Variants in KCNQ3 observed in about 807,000 individuals in gnomAD.
KCNQ3 encodes the protein potassium voltage-gated channel subfamily Q member 3.
In KCNQ3, 30 loss-of-function variants were observed where a neutral mutation model predicts 92.5. That is an observed-to-expected ratio of 0.32 (90% confidence interval 0.24 to 0.44). KCNQ3 has a LOEUF of 0.44. Ranked by LOEUF, KCNQ3 falls within the 20% of genes least tolerant of loss-of-function variation. The probability of loss-of-function intolerance (pLI) is 1.00; values close to 1 mark genes in which losing one functional copy is unlikely to be tolerated. For missense variants in KCNQ3, 913 were observed against 1,140.3 expected (o/e 0.80, Z 2.87); for synonymous variants, 450 against 468.8 (o/e 0.96, Z 0.52).
chr8:132,228,672 T>C (rs1266637216), intron 1 of KCNQ3, among the ~76,000 whole-genome samples: 1 of 151,968 alleles, frequency 6.6e-6, no homozygotes, highest in African/African-American at 2.4e-5. Flanking sequence ...CAGTATGTTT[T>C]TGGGGGAGGG....
chr8:132,201,405 G>A (rs1045153600), intron 1 of KCNQ3, among the ~76,000 whole-genome samples: 1 of 152,108 alleles, frequency 6.6e-6, no homozygotes, highest in Non-Finnish European at 1.5e-5. Flanking sequence ...TCAGACATGG[G>A]TGAGTGAGAC....
chr8:132,354,422 TTGG>T (rs932173808), intron 1 of KCNQ3, among the ~76,000 whole-genome samples: 1 of 152,142 alleles, frequency 6.6e-6, no homozygotes, highest in African/African-American at 2.4e-5. Context: ...AGAAATTGGC[TTGG>T]TAAGAAAGGA....
chr8:132,279,217 A>T (rs534449339), intron 1 of KCNQ3, among the ~76,000 whole-genome samples: 4 of 149,836 alleles, frequency 2.7e-5, no homozygotes, highest in African/African-American at 9.7e-5. Flanking sequence ...GATTCCATCT[A>T]AAAAAAAATG....
intron 1 of KCNQ3, among the ~76,000 whole-genome samples, chr8:132,386,167 C>A (rs964864483): frequency 3.3e-5 from 5 of 152,050 alleles, no homozygotes; most frequent in Non-Finnish European, 7.4e-5. Context: ...CATTTCACAT[C>A]AGAATTTAAG....
At chr8:132,415,969 GC>G (rs1279189756) in intron 1 of KCNQ3, among the ~76,000 whole-genome samples, 2 of 152,142 alleles carry the variant, frequency 1.3e-5, no homozygotes, top group Non-Finnish European at 2.9e-5. Context: ...TCCCAGCTAT[GC>G]CTTCATTTCT....
intron 1 of KCNQ3, among the ~76,000 whole-genome samples, chr8:132,453,171 TG>T (rs1821860768): frequency 6.6e-6 from 1 of 152,088 alleles, no homozygotes; most frequent in African/African-American, 2.4e-5. Flanking sequence ...AGCAGAATGC[TG>T]GGGAATGGCT....
chr8:132,454,121 C>A (rs982647802), intron 1 of KCNQ3, among the ~76,000 whole-genome samples: 5 of 152,216 alleles, frequency 3.3e-5, no homozygotes, highest in Non-Finnish European at 7.3e-5. Flanking sequence ...ATGCTCATGG[C>A]AGACCCTGCC....
chr8:132,435,875 C>T (rs1587017260), intron 1 of KCNQ3, among the ~76,000 whole-genome samples: 1 of 152,260 alleles, frequency 6.6e-6, no homozygotes, highest in East Asian at 1.9e-4. Flanking sequence ...TTATTCACCC[C>T]CTAGTCTTGT....
intron 1 of KCNQ3, among the ~76,000 whole-genome samples, chr8:132,377,610 C>A (rs1473291359): frequency 1.3e-5 from 2 of 152,170 alleles, no homozygotes; most frequent in Non-Finnish European, 2.9e-5. Context: ...CTGGCTGAGA[C>A]TATAAAACCT....
intron 9 of KCNQ3, among the ~76,000 whole-genome samples, chr8:132,149,766 T>C (rs1825577374): frequency 6.6e-6 from 1 of 152,020 alleles, no homozygotes; most frequent in East Asian, 1.9e-4. Flanking sequence ...AGTGTGTGCC[T>C]CATGTGTGTG....
chr8:132,278,315 GA>G (rs1308940294), intron 1 of KCNQ3: 31 of 517,112 alleles, frequency 6.0e-5, no homozygotes, highest in Non-Finnish European at 7.7e-5. Flanking sequence ...GAAAAAAAAA[GA>G]AGAAAAATGA....
At chr8:132,391,474 G>A (rs768036472) in intron 1 of KCNQ3, among the ~76,000 whole-genome samples, 4 of 151,924 alleles carry the variant, frequency 2.6e-5, no homozygotes, top group African/African-American at 7.3e-5. Context: ...AATGCTTTAC[G>A]CCTCTGCACC....
chr8:132,159,919 C>T (rs1237755618), intron 9 of KCNQ3, among the ~76,000 whole-genome samples: 1 of 152,204 alleles, frequency 6.6e-6, no homozygotes, highest in Non-Finnish European at 1.5e-5. Flanking sequence ...TTAATATCTA[C>T]TGAAAGCCAA....
intron 1 of KCNQ3, among the ~76,000 whole-genome samples, chr8:132,367,495 T>C (rs910831468): frequency 2.6e-5 from 4 of 152,272 alleles, no homozygotes; most frequent in African/African-American, 9.6e-5. Flanking sequence ...TCTTAGAGTC[T>C]AGCATAAAAG....
chr8:132,170,210 C>T, intron 8 of KCNQ3, 124 bp downstream of exon 8: 1 of 756,638 alleles, frequency 1.3e-6, no homozygotes, highest in Non-Finnish European at 2.4e-6. Flanking sequence ...TAGGGTGCAG[C>T]CCAAATTGGG....
At chr8:132,170,033 C>A (rs937520564) in intron 8 of KCNQ3, among the ~76,000 whole-genome samples, 1 of 151,908 alleles carries the variant, frequency 6.6e-6, no homozygotes, top group African/African-American at 2.4e-5. Context: ...CCACCACGCC[C>A]GGCTAATTTT....
chr8:132,437,821 C>G (rs1017116750), intron 1 of KCNQ3, among the ~76,000 whole-genome samples: 6 of 152,234 alleles, frequency 3.9e-5, no homozygotes, highest in Non-Finnish European at 8.8e-5. Flanking sequence ...ACTATAACCA[C>G]TAACTCTACT....
At chr8:132,174,447 G>T in intron 5 of KCNQ3, 98 bp from the exon 6 acceptor site, 1 of 901,760 alleles carries the variant, frequency 1.1e-6, no homozygotes. Context: ...ATCAGCTTGG[G>T]CAATGCTCCC....
In KCNQ3 at chr8:132,331,287, G is replaced by C. The variant is rs544479207; in HGVS notation, c.387-145106C>G. On this transcript the variant is annotated intron_variant, in intron 1 of 14. Coordinates refer to ENST00000388996, the MANE Select transcript of KCNQ3 (RefSeq NM_004519.4). ...ATAAAGGCCCTGAGATTCAACCTCAGGCTCTCTGCTTCCGAAACTCATGCT... is the reference window on the plus strand; with the variant it reads ...ATAAAGGCCCTGAGATTCAACCTCACGCTCTCTGCTTCCGAAACTCATGCT... Among the ~76,000 whole-genome samples, 15 of 152,280 alleles carry C rather than the reference G, an allele frequency of 9.9e-5. No individual in the cohort carries two copies. The East Asian group carries it at 2.9e-3, about 29-fold the overall frequency.
Sources: gnomAD v4.1 joint callset for allele counts (sites outside exome capture counted in the v4.1 genomes callset) on GRCh38, gnomAD v4.1.1 for gene constraint, MANE v1.5 for transcripts, NCBI Gene and HGNC (gene_info 2026-07-23, HGNC 2026-07-21) for gene names.